The following KAZN variants were observed in gnomAD, a reference collection of about 807,000 sequenced individuals.
KAZN encodes the protein kazrin, periplakin interacting protein, also known as kazrin.
In KAZN, 40 loss-of-function variants were observed where a neutral mutation model predicts 87.4. The observed-to-expected ratio is 0.46, with a 90% CI of 0.36 to 0.60. KAZN has a LOEUF of 0.60. Ranked by LOEUF, KAZN falls within the 20% of genes least tolerant of loss-of-function variation. The pLI is 0.00. For missense variants in KAZN, 898 were observed against 1,073.9 expected, an observed-to-expected ratio of 0.84 and a Z score of 2.29; for synonymous variants, 466 against 458.3, an observed-to-expected ratio of 1.02 and a Z score of -0.22.
chr1:14,617,707 C>T (rs1678363718), intron 1 of KAZN, among the ~76,000 whole-genome samples: 1 of 152,088 alleles, frequency 6.6e-6, no homozygotes, highest in African/African-American at 2.4e-5. Flanking sequence ...CCAGAGTGTC[C>T]CATGGAAGAC....
chr1:14,788,018 G>A (rs766450713), intron 1 of KAZN, among the ~76,000 whole-genome samples: 6 of 152,202 alleles, frequency 3.9e-5, no homozygotes, highest in Non-Finnish European at 7.3e-5. Flanking sequence ...GTACAGGAAT[G>A]GCTGCATAGT....
intron 2 of KAZN, among the ~76,000 whole-genome samples, chr1:14,336,020 A>G (rs1657242437): frequency 6.6e-6 from 1 of 152,230 alleles, no homozygotes; most frequent in Admixed American, 6.5e-5. Context: ...GTAGCAGCAG[A>G]GGAGAGGGAA....
At chr1:14,877,575 G>A (rs1335969228) in intron 1 of KAZN, among the ~76,000 whole-genome samples, 2 of 152,116 alleles carry the variant, frequency 1.3e-5, no homozygotes, top group Non-Finnish European at 2.9e-5. Context: ...CCTTGGTCAC[G>A]GCAAAGACTC....
chr1:14,098,281 G>A (rs1644173281), intron 1 of KAZN, among the ~76,000 whole-genome samples: 1 of 152,148 alleles, frequency 6.6e-6, no homozygotes, highest in Non-Finnish European at 1.5e-5. Context: ...TAAGAAGGTG[G>A]GGATGTGGTT....
intron 2 of KAZN, among the ~76,000 whole-genome samples, chr1:14,260,251 C>T (rs756173135): frequency 7.9e-5 from 12 of 152,170 alleles, no homozygotes; most frequent in Admixed American, 1.3e-4. Context: ...AACTGATATT[C>T]TAGTGTAGGA....
At chr1:15,031,855 C>G (rs919951472) in intron 2 of KAZN, among the ~76,000 whole-genome samples, 1 of 152,158 alleles carries the variant, frequency 6.6e-6, no homozygotes, top group Non-Finnish European at 1.5e-5. Flanking sequence ...AAGCAATCCT[C>G]CTGGAAGATC....
At chr1:14,365,241 T>G (rs990353794) in intron 2 of KAZN, among the ~76,000 whole-genome samples, 35 of 151,318 alleles carry the variant, frequency 2.3e-4, no homozygotes, top group Admixed American at 8.6e-4. Context: ...TAGAGACGGG[T>G]TTTCACCATG....
intron 2 of KAZN, among the ~76,000 whole-genome samples, chr1:14,403,188 C>T (rs553004037): frequency 3.5e-4 from 54 of 152,164 alleles, no homozygotes; most frequent in Admixed American, 2.9e-3. Flanking sequence ...AAATATAAAC[C>T]ATTAAACACC....
At chr1:13,964,351 C>T (rs752828378) in intron 1 of KAZN, among the ~76,000 whole-genome samples, 5 of 152,192 alleles carry the variant, frequency 3.3e-5, no homozygotes, top group Non-Finnish European at 5.9e-5. Context: ...TGACAGTACT[C>T]AGGCAGGTAA....
At chr1:14,876,156 G>A (rs535436466) in intron 1 of KAZN, among the ~76,000 whole-genome samples, 13 of 152,310 alleles carry the variant, frequency 8.5e-5, no homozygotes, top group African/African-American at 2.4e-4. Context: ...GGCTTGCCGC[G>A]GAGGTGAGAA....
chr1:14,526,654 T>G (rs1368830192), intron 2 of KAZN, among the ~76,000 whole-genome samples: 9 of 152,222 alleles, frequency 5.9e-5, no homozygotes. Flanking sequence ...TTTTCCAGTT[T>G]CATAGTGGTC....
chr1:14,546,261 G>C (rs766191723), intron 2 of KAZN, among the ~76,000 whole-genome samples: 13 of 152,172 alleles, frequency 8.5e-5, no homozygotes, highest in Non-Finnish European at 1.6e-4. Flanking sequence ...TTCTGAGCAA[G>C]CTTAATGCAA....
rs1242179024 is a variant in KAZN, at chr1:14,820,707, AGGTAAAGGTAGAAGGT to A, written c.227-139975_227-139960del. ...GGGAGGTATTCCTGTCTTGAGCAGAAGGTAAAGGTAGAAGGTGCAGATTAGGTACTGGGAATAGTCA... is the reference window on the plus strand; with the variant it reads ...GGGAGGTATTCCTGTCTTGAGCAGAAGCAGATTAGGTACTGGGAATAGTCA... On this transcript the variant is annotated intron_variant, in intron 1 of 14. Transcript: ENST00000376030. This position sits in a 1 kb window ranked among gnomAD's most constrained non-coding sequence, Gnocchi z 4.1. Among the ~76,000 whole-genome samples, 1 of 152,214 alleles carries A rather than the reference AGGTAAAGGTAGAAGGT, an allele frequency of 6.6e-6. No homozygotes were observed. The highest frequency in any genetic ancestry group is 1.5e-5 in the Non-Finnish European group (1 of 68,038).
chr1:14,541,651 G>C (rs186279749), intron 2 of KAZN, among the ~76,000 whole-genome samples: 63 of 152,338 alleles, frequency 4.1e-4, no homozygotes, highest in Non-Finnish European at 3.1e-4. Flanking sequence ...AGAAGATCTG[G>C]TGCCCATCTG....
chr1:14,377,989 G>C (rs1460330775), intron 2 of KAZN, among the ~76,000 whole-genome samples: 3 of 152,180 alleles, frequency 2.0e-5, no homozygotes, highest in Non-Finnish European at 2.9e-5. Context: ...TGGCTTAAAT[G>C]AAGATCCTAG....
chr1:14,151,235 T>C (rs1389950214), intron 1 of KAZN, among the ~76,000 whole-genome samples: 1 of 152,182 alleles, frequency 6.6e-6, no homozygotes, highest in African/African-American at 2.4e-5. Context: ...GAGTGACCAA[T>C]GTAACATAAT....
At chr1:14,682,306 A>T (rs56331997) in intron 1 of KAZN, among the ~76,000 whole-genome samples, 66,101 of 147,954 alleles carry the variant, frequency 0.45, 15,617 homozygotes, top group South Asian at 0.56. Context: ...TTTTTTTTTT[A>T]AGACAGGGTC....
chr1:14,008,989 G>A lies in KAZN; in HGVS notation c.91+115233G>A, dbSNP rs549781582. 2.0e-5 allele frequency among the ~76,000 whole-genome samples: 3 copies of A among 152,192 alleles called. No homozygotes were observed. In the South Asian group the frequency reaches 6.2e-4, roughly 32 times the overall value. On this transcript the variant is annotated intron_variant, in intron 1 of 16. Coordinates refer to the KAZN transcript ENST00000636203. ...ATTCCCCACTCTCCCAGCCCCTGGCGACTACCGTTCTATTTTCTGTCTCTA... is the reference window on the plus strand; with the variant it reads ...ATTCCCCACTCTCCCAGCCCCTGGCAACTACCGTTCTATTTTCTGTCTCTA...
rs79506764 is a variant in KAZN at position 14,241,662 on chromosome 1, T to C, written c.249+61070T>C. Among the ~76,000 whole-genome samples, 1,027 of 152,296 alleles carry C rather than the reference T, an allele frequency of 6.7e-3. 7 individuals are homozygous for C. The highest frequency in any genetic ancestry group is 0.023 in the African/African-American group (963 of 41,554). On this transcript the variant is annotated intron_variant, in intron 2 of 16. Transcript: ENST00000636203. ...CCTGTCCTTGGTGGGTAATGCACAT[T>C]GCCATCCTTCCCATTTCACAGATGA...
Sources: gnomAD v4.1 joint callset for allele counts (sites outside exome capture counted in the v4.1 genomes callset) on GRCh38, gnomAD v4.1.1 for gene constraint, Gnocchi (gnomAD v3.1) non-coding constraint, MANE v1.5 for transcripts, NCBI Gene and HGNC (gene_info 2026-07-23, HGNC 2026-07-21) for gene names.